Variants in OR5M9 observed in about 807,000 individuals in gnomAD.
OR5M9 encodes the protein olfactory receptor 5M9.
For missense variants in OR5M9, 464 were observed against 383.6 expected, an observed-to-expected ratio of 1.21 and a Z score of -1.75; for synonymous variants, 174 against 145.0, an observed-to-expected ratio of 1.20 and a Z score of -1.44.
In OR5M9 at chr11:56,463,171, G is replaced by T. The variant is rs1024904644; in HGVS notation, c.231C>A (p.Pro77=). The T allele has an allele frequency of 6.2e-7, 1 of 1,613,924 alleles. No individual in the cohort carries two copies. The highest frequency in any genetic ancestry group is 1.7e-5 in the Admixed American group (1 of 59,990). Residue 77 remains proline, a synonymous_variant, in exon 1 of 1, where the codon CCC becomes CCA. Coordinates refer to ENST00000279791, the MANE Select transcript of OR5M9 (RefSeq NM_001004743.1). ...ADVCFSSNVT[P]KMLENLLSET... ...CTGATAATAAGTTTTCCAGCATTTT[G>T]GGGGTAACGTTGGAGGAGAAGCACA...
rs369243622 is a variant in OR5M9 at position 56,463,234 on chromosome 11, G to A, written c.168C>T (p.Pro56=). 7 of 1,613,934 alleles carry A rather than the reference G, an allele frequency of 4.3e-6. No homozygotes were observed. The highest frequency in any genetic ancestry group is 5.9e-6 in the Non-Finnish European group (7 of 1,179,942). The change falls in exon 1 of 1, where the codon CCC becomes CCT. Residue 56 remains proline, a synonymous_variant. Coordinates refer to ENST00000279791, the MANE Select transcript of OR5M9 (RefSeq NM_001004743.1). ...ACAGATGACTCAGGAAAAAGTACATGGGACTCTGAAGCTGAGGACTGATGC... is the reference window on the plus strand; with the variant it reads ...ACAGATGACTCAGGAAAAAGTACATAGGACTCTGAAGCTGAGGACTGATGC... The part of the protein sequence containing the change: ...LISISPQLQS[P]MYFFLSHLSF...
chr11:56,462,886 G>A lies in OR5M9; in HGVS notation c.516C>T (p.Ile172=). The part of the protein sequence containing the change: ...YGLYFCGNFE[I]NHFYCADPPL... ...GGGGATCTGCACAATAGAAGTGATT[G>A]ATTTCAAAGTTTCCACAGAAGTATA... is the stretch of plus-strand genomic sequence containing the variant. The change falls in exon 1 of 1, where the codon ATC becomes ATT. Residue 172 remains isoleucine (I), a synonymous_variant. Transcript: ENST00000279791. 1 of 1,614,044 alleles carries A rather than the reference G, an allele frequency of 6.2e-7. No homozygotes were observed. Among genetic ancestry groups the A allele is most frequent in the Non-Finnish European group, 8.5e-7 (1 of 1,179,970 alleles).
Position 56,463,332 on chromosome 11 carries a change from G to A in OR5M9, c.70C>T (p.Leu24Phe), listed in dbSNP as rs1222413208. 3 of 1,613,680 alleles carry A rather than the reference G, an allele frequency of 1.9e-6. No individual in the cohort carries two copies. Among genetic ancestry groups the A allele is most frequent in the Admixed American group, 1.7e-5 (1 of 59,944 alleles). The change falls in exon 1 of 1, where the codon CTC (leucine) becomes TTC (phenylalanine). Residue 24 changes from leucine to phenylalanine, a missense_variant. Transcript: ENST00000279791. ...ACCGCTAGGAACACCACAAAAAAGA[G>A]AACCTGTAGCTCCTGACGACAGGTC... ...GLTCRQELQV[L>F]FFVVFLAVYM...
In OR5M9 at chr11:56,463,020, G is replaced by C; in HGVS notation, c.382C>G (p.Leu128Val). Residue 128 changes from leucine (L) to valine (V), a missense_variant, in exon 1 of 1, where the codon CTG (leucine) becomes GTG (valine). By Grantham distance (32) the Leu-to-Val change is conservative. Transcript: ENST00000279791. ...CTAGACATTTTACTGCCATAAAGCA[G>C]AGGGTTGCAGCCGGCCATGTACCTG... ...FDRYMAGCNPLLYGSKMSRTV... is the reference protein window; with the variant it reads ...FDRYMAGCNPVLYGSKMSRTV... The C allele has an allele frequency of 2.5e-6, 4 of 1,614,104 alleles. No individual in the cohort carries two copies. The highest frequency in any genetic ancestry group is 3.4e-6 in the Non-Finnish European group (4 of 1,179,978).
chr11:56,462,970 A>T lies in OR5M9; in HGVS notation c.432T>A (p.Ser144=), dbSNP rs1853574057. 6.2e-7 allele frequency: 1 copy of T among 1,613,994 alleles called. No homozygotes were observed. The change falls in exon 1 of 1, where the codon TCT becomes TCA. Residue 144 remains serine, a synonymous_variant. Transcript: ENST00000279791. ...MSRTVCVRLI[S]VPYVYGFSVS... is the part of the protein sequence containing the mutation. ...CAGAGAATCCATAGACATAAGGCAC[A>T]GAGATGAGCCGAACACACACAGTCC...
Position 56,462,766 on chromosome 11 carries a change from GA to G in OR5M9, c.635del (p.Val212AlafsTer9), listed in dbSNP as rs1192776326. The G allele has an allele frequency of 6.2e-7, 1 of 1,612,698 alleles. No individual in the cohort carries two copies. Among genetic ancestry groups the G allele is most frequent in the African/African-American group, 1.3e-5 (1 of 74,914 alleles). ...GINFTYSLSV[V>X]LISYTLIVVA... ...CTACAATGAGAGTGTAGGAGATGAG[GA>G]CCACCGAGAGGGAATATGTGAAGTT... On this transcript the variant is annotated frameshift_variant, in exon 1 of 1. Coordinates refer to ENST00000279791, the MANE Select transcript of OR5M9 (RefSeq NM_001004743.1). LOFTEE classifies it low-confidence loss of function (END_TRUNC).
rs757389004 is a variant in OR5M9, at chr11:56,462,976, G to A, written c.426C>T (p.Leu142=). 5 of 1,614,008 alleles carry A rather than the reference G, an allele frequency of 3.1e-6. No homozygotes were observed. The highest frequency in any genetic ancestry group is 1.1e-5 in the South Asian group (1 of 91,076). The change falls in exon 1 of 1, where the codon CTC becomes CTT. Residue 142 remains leucine, a synonymous_variant. Coordinates refer to ENST00000279791, the MANE Select transcript of OR5M9 (RefSeq NM_001004743.1). The part of the protein sequence containing the change: ...SKMSRTVCVR[L]ISVPYVYGFS... The stretch of plus-strand genomic sequence containing the variant: ...ATCCATAGACATAAGGCACAGAGAT[G>A]AGCCGAACACACACAGTCCTAGACA...
chr11:56,462,698 GC>G lies in OR5M9; in HGVS notation c.703del (p.Ala235ArgfsTer9), dbSNP rs1565146220. ...RMRSADGRRK[A>X]FSTCGSHLTA... Reference sequence around the variant, plus strand: ...CAAGTGGGACCCACAGGTGGAGAACGCCTTCCTCCTGCCATCGGCAGAGCGC... The same window carrying G: ...CAAGTGGGACCCACAGGTGGAGAACGCTTCCTCCTGCCATCGGCAGAGCGC... On this transcript the variant is annotated frameshift_variant, in exon 1 of 1. Coordinates refer to ENST00000279791, the MANE Select transcript of OR5M9 (RefSeq NM_001004743.1). LOFTEE classifies it low-confidence loss of function (END_TRUNC). 1.2e-6 allele frequency: 2 copies of G among 1,613,244 alleles called. No homozygotes were observed. The highest frequency in any genetic ancestry group is 1.7e-6 in the Non-Finnish European group (2 of 1,179,672).
Position 56,463,363 on chromosome 11 carries a change from C to A in OR5M9, c.39G>T (p.Leu13=). 2 of 1,611,956 alleles carry A rather than the reference C, an allele frequency of 1.2e-6. No individual in the cohort carries two copies. The highest frequency in any genetic ancestry group is 1.7e-6 in the Non-Finnish European group (2 of 1,179,382). The change falls in exon 1 of 1, where the codon CTG becomes CTT. Residue 13 remains leucine (L), a synonymous_variant. Transcript: ENST00000279791. ...GTAGCTCCTGACGACAGGTCAGCCCCAGGAGAGTAAATTCTGTCACATCCG... is the reference window on the plus strand; with the variant it reads ...GTAGCTCCTGACGACAGGTCAGCCCAAGGAGAGTAAATTCTGTCACATCCG... The part of the protein sequence containing the change: ...NFTDVTEFTL[L]GLTCRQELQV...
Position 56,462,737 on chromosome 11 carries a change from GCTACTACAA to G in OR5M9, c.656_664del (p.Ile219_Ala222delinsThr). The G allele has an allele frequency of 1.9e-6, 3 of 1,613,176 alleles. No homozygotes were observed. Among genetic ancestry groups the G allele is most frequent in the Non-Finnish European group, 1.7e-6 (2 of 1,179,690 alleles). On this transcript the variant is annotated inframe_deletion, in exon 1 of 1. Transcript: ENST00000279791. Reference sequence around the variant, plus strand: ...ATCGGCAGAGCGCATGCGTAGCACAGCTACTACAATGAGAGTGTAGGAGATGAGGACCAC... The same window carrying G: ...ATCGGCAGAGCGCATGCGTAGCACAGTGAGAGTGTAGGAGATGAGGACCAC...
In OR5M9 at chr11:56,463,165, C is replaced by T. The variant is rs1853579085; in HGVS notation, c.237G>A (p.Met79Ile). ...TTGTCTCTGATAATAAGTTTTCCAG[C>T]ATTTTGGGGGTAACGTTGGAGGAGA... ...VCFSSNVTPKMLENLLSETKT... is the reference protein window; with the variant it reads ...VCFSSNVTPKILENLLSETKT... Residue 79 changes from methionine to isoleucine, a missense_variant, in exon 1 of 1, where the codon ATG (methionine) becomes ATA (isoleucine). By Grantham distance (10) the Met-to-Ile change is conservative (BLOSUM62 1). Coordinates refer to ENST00000279791, the MANE Select transcript of OR5M9 (RefSeq NM_001004743.1). 1.2e-6 allele frequency: 2 copies of T among 1,614,014 alleles called. No homozygotes were observed. The highest frequency in any genetic ancestry group is 1.3e-5 in the African/African-American group (1 of 75,030).
Position 56,463,359 on chromosome 11 carries a change from GC to G in OR5M9, c.42del (p.Leu15Ter). The G allele has an allele frequency of 6.2e-7, 1 of 1,611,902 alleles. No homozygotes were observed. The highest frequency in any genetic ancestry group is 1.7e-4 in the Middle Eastern group (1 of 6,044). ...FTDVTEFTLLGLTCRQELQVL... is the reference protein window; with the variant it reads ...FTDVTEFTLLXLTCRQELQVL... ...ACCTGTAGCTCCTGACGACAGGTCA[GC>G]CCCAGGAGAGTAAATTCTGTCACAT... On this transcript the variant is annotated frameshift_variant, in exon 1 of 1. Transcript: ENST00000279791. LOFTEE classifies it low-confidence loss of function (END_TRUNC).
chr11:56,463,111 C>T lies in OR5M9; in HGVS notation c.291G>A (p.Val97=), dbSNP rs1590899748. 1.2e-6 allele frequency: 2 copies of T among 1,614,086 alleles called. No homozygotes were observed. The highest frequency in any genetic ancestry group is 2.2e-5 in the East Asian group (1 of 44,874). ...CAACGGCAATGAAAAAGTAGCACTGCACCAAGCATCCCACATAGGAAATGG... is the reference window on the plus strand; with the variant it reads ...CAACGGCAATGAAAAAGTAGCACTGTACCAAGCATCCCACATAGGAAATGG... The part of the protein sequence containing the change: ...TKTISYVGCL[V]QCYFFIAVVH... Residue 97 remains valine, a synonymous_variant, in exon 1 of 1, where the codon GTG becomes GTA. Coordinates refer to ENST00000279791, the MANE Select transcript of OR5M9 (RefSeq NM_001004743.1).
In OR5M9 at chr11:56,462,940, G is replaced by T. The variant is rs776410526; in HGVS notation, c.462C>A (p.Ser154Arg). 5.0e-6 allele frequency: 8 copies of T among 1,613,868 alleles called. No homozygotes were observed. The East Asian group carries it at 6.7e-5, about 13-fold the overall frequency. Residue 154 changes from serine (S) to arginine (R), a missense_variant, in exon 1 of 1, where the codon AGC becomes AGA. By Grantham distance (110) the Ser-to-Arg change is moderately radical. Coordinates refer to ENST00000279791, the MANE Select transcript of OR5M9 (RefSeq NM_001004743.1). The stretch of plus-strand genomic sequence containing the variant: ...CATAAGTCCATAGTGTGCATATTAG[G>T]CTGACAGAGAATCCATAGACATAAG... ...SVPYVYGFSV[S>R]LICTLWTYGL...
rs1208637461 is a variant in OR5M9 at position 56,462,476 on chromosome 11, C to T, written c.926G>A (p.Arg309Lys). 6.2e-7 allele frequency: 1 copy of T among 1,601,978 alleles called. No homozygotes were observed. Among genetic ancestry groups the T allele is most frequent in the East Asian group, 2.2e-5 (1 of 44,750 alleles). Reference protein sequence around the residue: ...VNKAITKTYVRQ With the variant: ...VNKAITKTYVKQ ...ACAATATCCACTACAGTTTTACTGCCTCACATATGTCTTGGTGATTGCTTT... is the reference window on the plus strand; with the variant it reads ...ACAATATCCACTACAGTTTTACTGCTTCACATATGTCTTGGTGATTGCTTT... Residue 309 changes from arginine (R) to lysine (K), a missense_variant, in exon 1 of 1, where the codon AGG becomes AAG. By Grantham distance (26) the Arg-to-Lys change is conservative (BLOSUM62 2). Coordinates refer to ENST00000279791, the MANE Select transcript of OR5M9 (RefSeq NM_001004743.1).
In OR5M9 at chr11:56,463,090, G is replaced by GTGGA; in HGVS notation, c.311_312insTCCA (p.Val105ProfsTer16). 6.2e-7 allele frequency: 1 copy of GTGGA among 1,613,998 alleles called. No homozygotes were observed. ...GGATATAGACCTCCACGTGGACAAC[G>GTGGA]GCAATGAAAAAGTAGCACTGCACCA... On this transcript the variant is annotated frameshift_variant, in exon 1 of 1. Transcript: ENST00000279791. LOFTEE classifies it low-confidence loss of function (END_TRUNC).
chr11:56,462,940 G>A lies in OR5M9; in HGVS notation c.462C>T (p.Ser154=), dbSNP rs776410526. The change falls in exon 1 of 1, where the codon AGC becomes AGT. Residue 154 remains serine (S), a synonymous_variant. Coordinates refer to ENST00000279791, the MANE Select transcript of OR5M9 (RefSeq NM_001004743.1). ...CATAAGTCCATAGTGTGCATATTAGGCTGACAGAGAATCCATAGACATAAG... is the reference window on the plus strand; with the variant it reads ...CATAAGTCCATAGTGTGCATATTAGACTGACAGAGAATCCATAGACATAAG... The part of the protein sequence containing the change: ...SVPYVYGFSV[S]LICTLWTYGL... 1 of 1,613,986 alleles carries A rather than the reference G, an allele frequency of 6.2e-7. No individual in the cohort carries two copies. The highest frequency in any genetic ancestry group is 8.5e-7 in the Non-Finnish European group (1 of 1,179,920).
Position 56,462,495 on chromosome 11 carries a change from T to C in OR5M9, c.907A>G (p.Ile303Val). 3 of 1,612,292 alleles carry C rather than the reference T, an allele frequency of 1.9e-6. No individual in the cohort carries two copies. The highest frequency in any genetic ancestry group is 2.5e-6 in the Non-Finnish European group (3 of 1,178,426). Residue 303 changes from isoleucine (I) to valine (V), a missense_variant, in exon 1 of 1, where the codon ATC becomes GTC. Physicochemically the swap from Ile to Val is conservative, Grantham distance 29 (BLOSUM62 3). Coordinates refer to ENST00000279791, the MANE Select transcript of OR5M9 (RefSeq NM_001004743.1). The stretch of plus-strand genomic sequence containing the variant: ...TACTGCCTCACATATGTCTTGGTGA[T>C]TGCTTTGTTGACTGCTTCTTTTACA... ...KDVKEAVNKA[I>V]TKTYVRQ
chr11:56,462,481 A>G lies in OR5M9; in HGVS notation c.921T>C (p.Tyr307=), dbSNP rs768264905. ...EAVNKAITKT[Y]VRQ ...ATCCACTACAGTTTTACTGCCTCAC[A>G]TATGTCTTGGTGATTGCTTTGTTGA... The change falls in exon 1 of 1, where the codon TAT becomes TAC. Residue 307 remains tyrosine (Y), a synonymous_variant. Coordinates refer to ENST00000279791, the MANE Select transcript of OR5M9 (RefSeq NM_001004743.1). The G allele has an allele frequency of 2.5e-6, 4 of 1,606,608 alleles. No homozygotes were observed. The highest frequency in any genetic ancestry group is 2.2e-5 in the East Asian group (1 of 44,818).
Sources: allele counts gnomAD v4.1 joint callset, GRCh38; gene constraint gnomAD v4.1.1; transcripts MANE v1.5; gene names NCBI Gene and HGNC (gene_info 2026-07-23, HGNC 2026-07-21).